Variants in HEATR5A observed in about 807,000 individuals in gnomAD.
The protein encoded by HEATR5A is HEAT repeat-containing protein 5A.
A neutral mutation model predicts 218.8 loss-of-function variants in HEATR5A; 178 were observed. The observed-to-expected ratio is 0.81, with a 90% confidence interval of 0.72 to 0.92. The LOEUF (loss-of-function observed/expected upper bound fraction) is 0.92, where lower values mean the gene tolerates loss of function less well. Among genes scored for constraint, HEATR5A ranks in the 40% least tolerant of loss-of-function variants. The probability of loss-of-function intolerance (pLI) is 0.00; values close to 1 mark genes in which losing one functional copy is unlikely to be tolerated. For synonymous variants in HEATR5A, 864 were observed against 871.6 expected (o/e 0.99, Z 0.15); for missense variants, 2,420 against 2,418.9 (o/e 1.00, Z -0.01).
At chr14:31,339,575 T>A (rs1793387940) in intron 21 of HEATR5A, among the ~76,000 whole-genome samples, 1 of 151,938 alleles carries the variant, frequency 6.6e-6, no homozygotes, top group African/African-American at 2.4e-5. Flanking sequence ...ACTGAGTAGT[T>A]TTTTGTTGTT....
intron 22 of HEATR5A, among the ~76,000 whole-genome samples, chr14:31,335,642 T>C (rs1900625215): frequency 6.6e-6 from 1 of 152,176 alleles, no homozygotes; most frequent in Non-Finnish European, 1.5e-5. Context: ...CTTTGAAAAC[T>C]ATATACATAA....
chr14:31,300,991 G>A (rs540012439), intron 33 of HEATR5A, among the ~76,000 whole-genome samples: 3 of 152,058 alleles, frequency 2.0e-5, no homozygotes, highest in Non-Finnish European at 4.4e-5. Flanking sequence ...AATTCTTAAC[G>A]TAATAATCAC....
chr14:31,330,274 C>T (rs533498174), intron 22 of HEATR5A, among the ~76,000 whole-genome samples: 1 of 152,310 alleles, frequency 6.6e-6, no homozygotes, highest in South Asian at 2.1e-4. Context: ...AGGTTTGGGG[C>T]TTGCACTCTC....
chr14:31,339,403 T>G (rs1278486950), intron 21 of HEATR5A, among the ~76,000 whole-genome samples: 3 of 131,820 alleles, frequency 2.3e-5, no homozygotes, highest in Non-Finnish European at 4.6e-5. Flanking sequence ...TGAGCTGAGA[T>G]TGCACCACTG....
intron 1 of HEATR5A, among the ~76,000 whole-genome samples, chr14:31,406,599 T>A (rs1190120979): frequency 2.0e-5 from 3 of 152,198 alleles, no homozygotes; most frequent in Admixed American, 1.3e-4. Context: ...TGACTTCAGA[T>A]AAGATTTGTT....
At position 31,387,352 on chromosome 14, in the gene HEATR5A, T is replaced by C; in HGVS notation, c.957A>G (p.Thr319=). 1 of 1,613,402 alleles carries C rather than the reference T, an allele frequency of 6.2e-7. No individual in the cohort carries two copies. Among genetic ancestry groups the C allele is most frequent in the Non-Finnish European group, 8.5e-7 (1 of 1,179,386 alleles). ...TTTTCTCTAGCCAAGCTCCTCCTAGTGTTGAAACAAATACCACATAAGCCT... is the reference window on the plus strand; with the variant it reads ...TTTTCTCTAGCCAAGCTCCTCCTAGCGTTGAAACAAATACCACATAAGCCT... ...VTQAYVVFVS[T]LGGAWLEKNF... The change falls in exon 8 of 36, where the codon ACA becomes ACG. Residue 319 remains threonine (T), a synonymous_variant. Coordinates refer to ENST00000543095, the MANE Select transcript of HEATR5A (RefSeq NM_015473.4).
chr14:31,321,690 T>A lies in HEATR5A; in HGVS notation c.3788-10A>T. 6.5e-7 allele frequency: 1 copy of A among 1,546,266 alleles called. No homozygotes were observed. Among genetic ancestry groups the A allele is most frequent in the East Asian group, 2.3e-5 (1 of 43,562 alleles). ...AGTACCAAAAAGTCATCTATAAGAT[T>A]AAAAAACATATTGGGAGAAAAAAAG... is the stretch of plus-strand genomic sequence containing the variant. On this transcript the variant is annotated splice_polypyrimidine_tract_variant and intron_variant, in intron 24 of 35. Transcript: ENST00000543095.
chr14:31,407,665 G>C (rs1441234042), intron 1 of HEATR5A, among the ~76,000 whole-genome samples: 2 of 101,776 alleles, frequency 2.0e-5, no homozygotes, highest in Non-Finnish European at 4.2e-5. Flanking sequence ...TTTCACTCTT[G>C]TTGTCCAGGC....
At chr14:31,378,087 C>T (rs1219757364) in intron 11 of HEATR5A, among the ~76,000 whole-genome samples, 1 of 152,166 alleles carries the variant, frequency 6.6e-6, no homozygotes, top group Non-Finnish European at 1.5e-5. Flanking sequence ...CATGAACACC[C>T]AGCAATAAGC....
intron 1 of HEATR5A, among the ~76,000 whole-genome samples, chr14:31,406,518 A>T (rs561974954): frequency 1.1e-4 from 17 of 152,226 alleles, no homozygotes; most frequent in Non-Finnish European, 2.4e-4. Context: ...ACAGATGAGG[A>T]CATTGAAGCA....
At chr14:31,369,608 CAAAAAAAAAAAAAA>C (rs71430951) in intron 13 of HEATR5A, among the ~76,000 whole-genome samples, 2 of 45,148 alleles carry the variant, frequency 4.4e-5, no homozygotes, top group Admixed American at 4.1e-4. Context: ...AAAACTGTCT[CAAAAAAAAAAAAAA>C]AAAAAAAAAA....
chr14:31,364,220 C>A lies in HEATR5A; in HGVS notation c.2040G>T (p.Leu680=), dbSNP rs1406572919. 7.1e-6 allele frequency: 11 copies of A among 1,545,844 alleles called. No individual in the cohort carries two copies. Among genetic ancestry groups the A allele is most frequent in the Non-Finnish European group, 7.9e-6 (9 of 1,140,438 alleles). Residue 680 remains leucine (L), a synonymous_variant, in exon 14 of 36, where the codon CTG becomes CTT. Coordinates refer to ENST00000543095, the MANE Select transcript of HEATR5A (RefSeq NM_015473.4). ...SVVYRQRLYE[L]LILLPPETYE... The stretch of plus-strand genomic sequence containing the variant: ...AGGTCTCAGGAGGTAATAAAATCAA[C>A]AGTTCATAAAGTCTTTGTCTATAAA...
At chr14:31,301,768 T>A (rs1392141195) in intron 33 of HEATR5A, among the ~76,000 whole-genome samples, 5 of 151,088 alleles carry the variant, frequency 3.3e-5, no homozygotes, top group African/African-American at 1.2e-4. Context: ...GCTGGGATTG[T>A]AGACGTGAGC....
chr14:31,389,649 C>A (rs573391673), intron 6 of HEATR5A, among the ~76,000 whole-genome samples: 1 of 152,042 alleles, frequency 6.6e-6, no homozygotes, highest in African/African-American at 2.4e-5. Flanking sequence ...ATAATATTAT[C>A]TCCCCAAAAA....
chr14:31,398,808 A>G, intron 3 of HEATR5A, 27 bp from the exon 4 acceptor site: 1 of 1,278,806 alleles, frequency 7.8e-7, no homozygotes, highest in Non-Finnish European at 1.1e-6. Context: ...ATTAGAAATT[A>G]GTCACAGCTG....
In HEATR5A at chr14:31,403,064, A is replaced by G. The variant is rs753949214; in HGVS notation, c.-74-15T>C. The G allele has an allele frequency of 3.3e-6, 4 of 1,201,406 alleles. No individual in the cohort carries two copies. In the Admixed American group the frequency reaches 8.6e-5, roughly 26 times the overall value. 74.4% of individuals were successfully genotyped at this position (1,201,406 alleles called of 1,614,324 possible). A position where few individuals can be genotyped will look rare whatever the true frequency, so the allele number is the denominator to read the frequency against. ...ACAATAAAAATCTGCAATACAGGAAAATAATGTATTTTAAAAGGGGGGTAA... is the reference window on the plus strand; with the variant it reads ...ACAATAAAAATCTGCAATACAGGAAGATAATGTATTTTAAAAGGGGGGTAA... On this transcript the variant is annotated splice_polypyrimidine_tract_variant and intron_variant, in intron 1 of 35. Transcript: ENST00000543095.
At chr14:31,416,368 C>T (rs2031448313) in intron 1 of HEATR5A, among the ~76,000 whole-genome samples, 1 of 152,214 alleles carries the variant, frequency 6.6e-6, no homozygotes, top group Middle Eastern at 3.4e-3. Flanking sequence ...GTGATCTGCC[C>T]GCCTTGGCCT....
intron 21 of HEATR5A, among the ~76,000 whole-genome samples, chr14:31,339,891 A>C (rs1900788494): frequency 6.6e-6 from 1 of 152,248 alleles, no homozygotes; most frequent in African/African-American, 2.4e-5. Flanking sequence ...ATTTTAAAGG[A>C]AAGTTAATAA....
At chr14:31,312,453 C>CCTAGG (rs1899787472) in intron 28 of HEATR5A, among the ~76,000 whole-genome samples, 1 of 150,340 alleles carries the variant, frequency 6.7e-6, no homozygotes. Flanking sequence ...ACTCTTGTCA[C>CCTAGG]CTAGGCTGGA....
Sources: gnomAD v4.1 joint callset for allele counts (sites outside exome capture counted in the v4.1 genomes callset) on GRCh38, gnomAD v4.1.1 for gene constraint, MANE v1.5 for transcripts, NCBI Gene and HGNC (gene_info 2026-07-23, HGNC 2026-07-21) for gene names.